The following CAMTA1 variants were observed in gnomAD, a reference collection of about 807,000 sequenced individuals.
The protein encoded by CAMTA1 is calmodulin-binding transcription activator 1.
Under a neutral mutation model 170.9 loss-of-function variants are expected in CAMTA1, and 27 were observed. The observed-to-expected ratio is 0.16, with a 90% CI of 0.12 to 0.22. The LOEUF is 0.22. CAMTA1 is among the 10% of genes least tolerant of loss of function. CAMTA1 has a pLI of 1.00. For synonymous variants in CAMTA1, 833 were observed against 891.5 expected, an observed-to-expected ratio of 0.93 and a Z score of 1.17; for missense variants, 1,619 against 2,217.2, an observed-to-expected ratio of 0.73 and a Z score of 5.42.
At chr1:7,239,860 G>A (rs529978406) in intron 4 of CAMTA1, among the ~76,000 whole-genome samples, 3 of 151,774 alleles carry the variant, frequency 2.0e-5, no homozygotes, top group East Asian at 3.9e-4. Context: ...GGCAAGAGAG[G>A]GCAAGAATGA....
chr1:6,829,068 T>C (rs1648589646), intron 3 of CAMTA1, among the ~76,000 whole-genome samples: 1 of 151,962 alleles, frequency 6.6e-6, no homozygotes, highest in South Asian at 2.1e-4. Flanking sequence ...GGATAATTTT[T>C]GTATTTTATA....
At chr1:7,334,720 A>G (rs181670180) in intron 5 of CAMTA1, among the ~76,000 whole-genome samples, 1 of 152,338 alleles carries the variant, frequency 6.6e-6, no homozygotes, top group Admixed American at 6.5e-5. Flanking sequence ...TATAACTGGC[A>G]GCAGAGATGG....
chr1:6,810,836 G>T (rs983856881), intron 1 of CAMTA1, among the ~76,000 whole-genome samples: 1 of 152,176 alleles, frequency 6.6e-6, no homozygotes, highest in African/African-American at 2.4e-5. Flanking sequence ...AAGAGGTGGG[G>T]ATCATAGGAG....
intron 5 of CAMTA1, among the ~76,000 whole-genome samples, chr1:7,461,443 T>C (rs1430243216): frequency 6.6e-6 from 1 of 152,268 alleles, no homozygotes; most frequent in Admixed American, 6.5e-5. Flanking sequence ...CATGTGGCTG[T>C]TGAGCACTTG....
Position 7,744,878 on chromosome 1 carries a change from C to G in CAMTA1, c.4226C>G (p.Pro1409Arg), listed in dbSNP as rs748974020. ...TLAEHIIEAT[P>R]DRIKQENFVP... ...GCAGAACACATTATTGAAGCCACAC[C>G]TGACCGAATCAAGCAGGAGAATTTT... is the stretch of plus-strand genomic sequence containing the variant. The change falls in exon 17 of 23, where the codon CCT becomes CGT. Residue 1409 changes from proline to arginine, a missense_variant. Transcript: ENST00000303635. 12 of 1,614,030 alleles carry G rather than the reference C, an allele frequency of 7.4e-6. No homozygotes were observed. Among genetic ancestry groups the G allele is most frequent in the Non-Finnish European group, 9.3e-6 (11 of 1,180,016 alleles).
intron 11 of CAMTA1, among the ~76,000 whole-genome samples, chr1:7,696,146 G>T (rs1464600413): frequency 6.6e-6 from 1 of 151,934 alleles, no homozygotes; most frequent in Non-Finnish European, 1.5e-5. Flanking sequence ...CTATGAGAGA[G>T]CACACTTGTT....
In CAMTA1 at chr1:7,251,132, C is replaced by T. The variant is rs7536993; in HGVS notation, c.438+1506C>T. On this transcript the variant is annotated intron_variant, in intron 5 of 22. Coordinates refer to ENST00000303635, the MANE Select transcript of CAMTA1 (RefSeq NM_015215.4). This position sits in a 1 kb window ranked among gnomAD's most constrained non-coding sequence, Gnocchi z 5.1. ...TGGAAGTCACGGCAGCTCCTGTGCC[C>T]GTAGGCCCCTGGTATATTTCATCTT... 0.052 allele frequency among the ~76,000 whole-genome samples: 7,974 copies of T among 152,208 alleles called. 689 individuals carry two copies. Among genetic ancestry groups the T allele is most frequent in the African/African-American group, 0.17 (7,105 of 41,490 alleles).
chr1:6,923,968 C>T (rs1310913374), intron 3 of CAMTA1, among the ~76,000 whole-genome samples: 1 of 152,200 alleles, frequency 6.6e-6, no homozygotes, highest in South Asian at 2.1e-4. Context: ...CCCCATTACT[C>T]GCCCAAGACC....
intron 3 of CAMTA1, among the ~76,000 whole-genome samples, chr1:6,845,591 C>T (rs376229897): frequency 1.3e-5 from 2 of 152,262 alleles, no homozygotes; most frequent in South Asian, 2.1e-4. Context: ...ACAAAACTGC[C>T]ACATGTTGAA....
intron 3 of CAMTA1, among the ~76,000 whole-genome samples, chr1:6,885,882 A>C (rs1232000430): frequency 2.0e-5 from 3 of 151,928 alleles, no homozygotes; most frequent in Non-Finnish European, 4.4e-5. Context: ...CTTCCCCTGG[A>C]GGGCAGCCCG....
intron 5 of CAMTA1, among the ~76,000 whole-genome samples, chr1:7,276,303 A>ATATTT: frequency 4.1e-5 from 1 of 24,232 alleles, no homozygotes; most frequent in Non-Finnish European, 6.1e-5. Flanking sequence ...ATATATATAT[A>ATATTT]TTTTTTTTTT....
intron 6 of CAMTA1, among the ~76,000 whole-genome samples, chr1:7,507,032 A>G (rs1460546504): frequency 6.7e-6 from 1 of 149,620 alleles, no homozygotes; most frequent in Non-Finnish European, 1.5e-5. Context: ...CTCAAAACTC[A>G]TGCTCACATT....
At chr1:7,186,924 C>T (rs189392036) in intron 4 of CAMTA1, among the ~76,000 whole-genome samples, 13 of 152,046 alleles carry the variant, frequency 8.6e-5, no homozygotes, top group Non-Finnish European at 1.8e-4. Context: ...ATCAGTCTCC[C>T]TAGTGGGGTG....
chr1:7,094,889 C>T (rs1641886094), intron 4 of CAMTA1, among the ~76,000 whole-genome samples: 1 of 152,008 alleles, frequency 6.6e-6, no homozygotes, highest in Non-Finnish European at 1.5e-5. Context: ...ATTTGGAGAC[C>T]CCAGGGAACT....
chr1:7,288,891 C>CAG (rs1463058071), intron 5 of CAMTA1, among the ~76,000 whole-genome samples: 2 of 152,148 alleles, frequency 1.3e-5, no homozygotes, highest in Admixed American at 1.3e-4. Context: ...TGTATTACTA[C>CAG]AGAGAAATGC....
intron 3 of CAMTA1, chr1:7,008,784 A>G (rs1324583376): frequency 6.6e-6 from 1 of 152,258 alleles, no homozygotes; most frequent in African/African-American, 2.4e-5. Context: ...TGCAAAATGA[A>G]TGAACTTTCT....
intron 5 of CAMTA1, among the ~76,000 whole-genome samples, chr1:7,358,388 A>T (rs764652398): frequency 1.3e-5 from 2 of 152,236 alleles, no homozygotes; most frequent in Non-Finnish European, 2.9e-5. Flanking sequence ...GCTGCTCATA[A>T]TTAGTAATAA....
intron 5 of CAMTA1, among the ~76,000 whole-genome samples, chr1:7,397,036 C>G (rs893898315): frequency 1.3e-5 from 2 of 152,096 alleles, no homozygotes; most frequent in Non-Finnish European, 2.9e-5. Context: ...GAAGAATTCC[C>G]TCTTAATTTT....
chr1:7,200,359 A>C (rs978808735), intron 4 of CAMTA1, among the ~76,000 whole-genome samples: 1 of 152,254 alleles, frequency 6.6e-6, no homozygotes, highest in Admixed American at 6.5e-5. Flanking sequence ...TCAGGAAATT[A>C]ACATCAATGT....
Sources: gnomAD v4.1 joint callset for allele counts (sites outside exome capture counted in the v4.1 genomes callset) on GRCh38, gnomAD v4.1.1 for gene constraint, Gnocchi (gnomAD v3.1) non-coding constraint, MANE v1.5 for transcripts, NCBI Gene and HGNC (gene_info 2026-07-23, HGNC 2026-07-21) for gene names.